BTN3A3: variants seen among roughly 807,000 people sequenced by gnomAD.
BTN3A3 encodes the protein butyrophilin 3.
BTN3A3 carries 39 observed loss-of-function variants against 43.2 expected under a neutral mutation model. The ratio of observed to expected loss-of-function variants is 0.90; its 90% CI spans 0.70 to 1.18. The LOEUF (loss-of-function observed/expected upper bound fraction) is 1.18. Among genes scored for constraint, BTN3A3 ranks in the 50% most tolerant of loss-of-function variants. The pLI, the probability that BTN3A3 is intolerant of heterozygous loss-of-function variation, is 0.00. For missense variants in BTN3A3, 631 were observed against 722.8 expected (o/e 0.87, Z 1.46); for synonymous variants, 255 against 272.7 (o/e 0.93, Z 0.64).
At chr6:26,444,342 T>C (rs761909407) in intron 4 of BTN3A3, 38 bp downstream of exon 4, 1 of 1,611,982 alleles carries the variant, frequency 6.2e-7, no homozygotes, top group Non-Finnish European at 8.5e-7. Context: ...CACTTCTCTG[T>C]AGGATCTAGA....
At chr6:26,450,461 GA>G (rs1762899117) in intron 10 of BTN3A3, among the ~76,000 whole-genome samples, 1 of 152,180 alleles carries the variant, frequency 6.6e-6, no homozygotes. Flanking sequence ...GAGAGGAGGT[GA>G]TGCCTGCCCA....
In BTN3A3 at chr6:26,442,184, C is replaced by T. The variant is rs112716308; in HGVS notation, c.-66-1198C>T. 4.7e-3 allele frequency among the ~76,000 whole-genome samples: 709 copies of T among 152,250 alleles called. 4 individuals carry two copies. Among genetic ancestry groups the T allele is most frequent in the African/African-American group, 0.016 (646 of 41,540 alleles). On this transcript the variant is annotated intron_variant, in intron 1 of 10. Coordinates refer to ENST00000244519, the MANE Select transcript of BTN3A3 (RefSeq NM_006994.5). ...TCCCAGACTCAGGTAGCTACAGCAG[C>T]GGGTGTTGTGGCTGCAGGCCTCATG... is the stretch of plus-strand genomic sequence containing the variant.
At chr6:26,441,646 T>TA (rs1392590734) in intron 1 of BTN3A3, among the ~76,000 whole-genome samples, 1 of 152,188 alleles carries the variant, frequency 6.6e-6, no homozygotes, top group African/African-American at 2.4e-5. Flanking sequence ...GAGAAATATT[T>TA]ATATTTCTAC....
Position 26,444,500 on chromosome 6 carries a change from A to C in BTN3A3, c.433+196A>C, listed in dbSNP as rs1037989803. 14 of 887,346 alleles carry C rather than the reference A, an allele frequency of 1.6e-5. No individual in the cohort carries two copies. The South Asian group carries it at 1.9e-4, about 12-fold the overall frequency. The allele number at this position is 887,346 out of a possible 1,614,324, so 55.0% of individuals were successfully genotyped here. On this transcript the variant is annotated intron_variant, in intron 4 of 10. Transcript: ENST00000244519. The stretch of plus-strand genomic sequence containing the variant: ...AGAAAGAATTCCTGCTGTACCTTAC[A>C]TGCCGAAGTAAACAACTCCCTCCCT...
chr6:26,440,917 G>T (rs1373509856), intron 1 of BTN3A3, among the ~76,000 whole-genome samples: 1 of 152,156 alleles, frequency 6.6e-6, no homozygotes, highest in East Asian at 1.9e-4. Context: ...TTGGTGGAAG[G>T]AGAGGGAGAC....
chr6:26,449,944 T>C (rs1733347209), intron 9 of BTN3A3, among the ~76,000 whole-genome samples, 163 bp from the exon 10 acceptor site: 1 of 152,082 alleles, frequency 6.6e-6, no homozygotes. Flanking sequence ...TGACATTGTT[T>C]AGAAGGTGCC....
At chr6:26,442,414 A>T (rs6928316) in intron 1 of BTN3A3, among the ~76,000 whole-genome samples, 2,487 of 152,340 alleles carry the variant, frequency 0.016, 53 homozygotes, top group African/African-American at 0.055. Context: ...TCAGTTTAGC[A>T]TGCATCTTTT....
chr6:26,447,300 GTTAT>G (rs1762805441), intron 5 of BTN3A3, among the ~76,000 whole-genome samples: 1 of 152,174 alleles, frequency 6.6e-6, no homozygotes, highest in Admixed American at 6.6e-5. Flanking sequence ...TCTTGATTCT[GTTAT>G]TTAACTTACA....
intron 10 of BTN3A3, among the ~76,000 whole-genome samples, chr6:26,450,367 G>A (rs1261222479): frequency 1.3e-5 from 2 of 152,150 alleles, no homozygotes; most frequent in African/African-American, 2.4e-5. Flanking sequence ...TTCCTGGGAA[G>A]GAAGACACAT....
chr6:26,447,041 T>A (rs931758500), intron 5 of BTN3A3, among the ~76,000 whole-genome samples: 2 of 152,184 alleles, frequency 1.3e-5, no homozygotes, highest in African/African-American at 4.8e-5. Flanking sequence ...AAAAAGTTTC[T>A]TATAGCATTG....
chr6:26,450,005 ACT>A (rs1169079747), intron 9 of BTN3A3, 100 bp from the exon 10 acceptor site: 74 of 1,333,192 alleles, frequency 5.6e-5, no homozygotes, highest in Non-Finnish European at 7.2e-5. Flanking sequence ...CCTGGAAGAG[ACT>A]CTGAAGAAAA....
chr6:26,451,951 G>A lies in BTN3A3; in HGVS notation c.1295G>A (p.Trp432Ter). 6.2e-7 allele frequency: 1 copy of A among 1,614,140 alleles called. No individual in the cohort carries two copies. Among genetic ancestry groups the A allele is most frequent in the Non-Finnish European group, 8.5e-7 (1 of 1,180,018 alleles). ...AAAATGACACCGGAGAACGGATACT[G>A]GACTATGGGCCTGACTGATGGGAAT... is the stretch of plus-strand genomic sequence containing the variant. ...WVKMTPENGY[W>*]TMGLTDGNKY... The change falls in exon 11 of 11, where the codon TGG becomes TAG. Residue 432 changes from tryptophan to a stop codon, truncating the protein, a stop_gained. Coordinates refer to ENST00000244519, the MANE Select transcript of BTN3A3 (RefSeq NM_006994.5). LOFTEE classifies it low-confidence loss of function (END_TRUNC).
At chr6:26,441,531 T>C (rs1419465443) in intron 1 of BTN3A3, among the ~76,000 whole-genome samples, 2 of 152,024 alleles carry the variant, frequency 1.3e-5, no homozygotes, top group South Asian at 2.1e-4. Context: ...TTCCTATAAG[T>C]GGAACTTTTG....
intron 4 of BTN3A3, 200 bp downstream of exon 4, chr6:26,444,504 C>A: frequency 1.2e-6 from 1 of 842,292 alleles, no homozygotes. Flanking sequence ...CCTTACATGC[C>A]GAAGTAAACA....
intron 8 of BTN3A3, 142 bp from the exon 9 acceptor site, chr6:26,449,520 G>C: frequency 2.4e-6 from 2 of 830,294 alleles, no homozygotes; most frequent in Non-Finnish European, 4.0e-6. Flanking sequence ...GAGGTGAAGA[G>C]AGAATTGAGC....
rs1443867854 is a variant in BTN3A3, at chr6:26,440,659, A to T, written c.-67+11A>T. Reference sequence around the variant, plus strand: ...GGGGAATACTAAGAAGTAAGTGGGGAATGTTGATTAGAGCCTGGGCTACAA... The same window carrying T: ...GGGGAATACTAAGAAGTAAGTGGGGTATGTTGATTAGAGCCTGGGCTACAA... On this transcript the variant is annotated intron_variant, in intron 1 of 10. Coordinates refer to ENST00000244519, the MANE Select transcript of BTN3A3 (RefSeq NM_006994.5). 1 of 152,270 alleles carries T rather than the reference A, an allele frequency of 6.6e-6. No individual in the cohort carries two copies. Among genetic ancestry groups the T allele is most frequent in the Admixed American group, 6.5e-5 (1 of 15,282 alleles). 9.4% of individuals were successfully genotyped at this position (152,270 alleles called of 1,614,324 possible).
intron 10 of BTN3A3, chr6:26,450,359 C>T: frequency 1.8e-6 from 1 of 546,624 alleles, no homozygotes; most frequent in South Asian, 2.2e-5. Context: ...CTCAGACCTT[C>T]CTGGGAAGGA....
chr6:26,444,280 G>T lies in BTN3A3; in HGVS notation c.409G>T (p.Ala137Ser), dbSNP rs1308229589. 6.2e-7 allele frequency: 1 copy of T among 1,612,024 alleles called. No homozygotes were observed. Among genetic ancestry groups the T allele is most frequent in the Non-Finnish European group, 8.5e-7 (1 of 1,179,850 alleles). Reference protein sequence around the residue: ...YFQDGDFYEKALVELKVAALG... With the variant: ...YFQDGDFYEKSLVELKVAALG... ...CCAAGATGGTGACTTCTACGAAAAAGCCCTGGTGGAGCTGAAGGTTGCAGG... is the reference window on the plus strand; with the variant it reads ...CCAAGATGGTGACTTCTACGAAAAATCCCTGGTGGAGCTGAAGGTTGCAGG... The change falls in exon 4 of 11, where the codon GCC (alanine) becomes TCC (serine). Residue 137 changes from alanine (A) to serine (S), a missense_variant. Around this residue, in one of 2 missense-constraint regions of BTN3A3, gnomAD observed 551 missense variants for 584.0 expected, o/e 0.94. Coordinates refer to ENST00000244519, the MANE Select transcript of BTN3A3 (RefSeq NM_006994.5).
At chr6:26,450,993 G>A (rs1428343045) in intron 10 of BTN3A3, among the ~76,000 whole-genome samples, 1 of 152,140 alleles carries the variant, frequency 6.6e-6, no homozygotes, top group Non-Finnish European at 1.5e-5. Flanking sequence ...CAGCAAACCA[G>A]AAGACAAGGG....
Sources: allele counts gnomAD v4.1 joint callset (sites outside exome capture counted in the v4.1 genomes callset), GRCh38; gene constraint gnomAD v4.1.1; regional missense constraint gnomAD v4.1.1; transcripts MANE v1.5; gene names NCBI Gene and HGNC (gene_info 2026-07-23, HGNC 2026-07-21).